PRMT2: variants seen among roughly 807,000 people sequenced by gnomAD.
The protein encoded by PRMT2 is protein arginine methyltransferase 2.
A neutral mutation model predicts 57.6 loss-of-function variants in PRMT2; 26 were observed. The ratio of observed to expected loss-of-function variants is 0.45; its 90% CI spans 0.33 to 0.63. The LOEUF is 0.63. Among genes scored for constraint, PRMT2 ranks in the 20% least tolerant of loss-of-function variants. The probability of loss-of-function intolerance (pLI) is 0.02; values close to 1 mark genes in which losing one functional copy is unlikely to be tolerated. For missense variants in PRMT2, 472 were observed against 564.4 expected (o/e 0.84, Z 1.66); for synonymous variants, 219 against 220.0 (o/e 1.00, Z 0.04).
chr21:46,663,582 C>G (rs749202451), intron 11 of PRMT2, 28 bp downstream of exon 11: 23 of 1,602,254 alleles, frequency 1.4e-5, no homozygotes, highest in Non-Finnish European at 1.8e-5. Context: ...AAGATTCTGT[C>G]CTGTGGGTGC....
At chr21:46,641,316 A>C (rs903135108) in intron 3 of PRMT2, among the ~76,000 whole-genome samples, 1 of 152,170 alleles carries the variant, frequency 6.6e-6, no homozygotes, top group Non-Finnish European at 1.5e-5. Context: ...CCTGCTATGG[A>C]ATATCGTATA....
rs576585961 is a variant in PRMT2 at position 46,660,945 on chromosome 21, C to G, written c.943C>G (p.Gln315Glu). 1.2e-6 allele frequency: 2 copies of G among 1,612,806 alleles called. No homozygotes were observed. The highest frequency in any genetic ancestry group is 1.1e-5 in the South Asian group (1 of 90,932). Reference sequence around the variant, plus strand: ...ATTGCAGTTGGACATGAGAACCGTGCAAATTTCTGATCTAGAGGTGAGAAA... The same window carrying G: ...ATTGCAGTTGGACATGAGAACCGTGGAAATTTCTGATCTAGAGGTGAGAAA... Reference protein sequence around the residue: ...TILQLDMRTVQISDLETLRGE... With the variant: ...TILQLDMRTVEISDLETLRGE... Residue 315 changes from glutamine to glutamate, a missense_variant, in exon 9 of 12, where the codon CAA becomes GAA. Coordinates refer to ENST00000355680, the MANE Select transcript of PRMT2 (RefSeq NM_206962.4).
chr21:46,651,973 C>G (rs773458854), intron 7 of PRMT2: 1 of 1,613,294 alleles, frequency 6.2e-7, no homozygotes, highest in South Asian at 1.1e-5. Flanking sequence ...AGCCCTCAGG[C>G]CTTCATCTCT....
chr21:46,664,033 C>A (rs1007195897), intron 11 of PRMT2, among the ~76,000 whole-genome samples: 1 of 152,138 alleles, frequency 6.6e-6, no homozygotes, highest in Admixed American at 6.5e-5. Context: ...GGCTTCCTGT[C>A]TCAGAGGCTG....
At chr21:46,660,212 C>T in intron 8 of PRMT2, 1 of 960,004 alleles carries the variant, frequency 1.0e-6, no homozygotes, top group Non-Finnish European at 1.2e-6. Context: ...GACTTACAAG[C>T]CTAGTGCAGC....
At chr21:46,659,140 A>G (rs2061583429) in intron 8 of PRMT2, 3 of 1,267,348 alleles carry the variant, frequency 2.4e-6, no homozygotes, top group Non-Finnish European at 2.0e-6. Context: ...AGGAACAAAA[A>G]TTTTCGTATG....
At position 46,659,610 on chromosome 21, in the gene PRMT2, C is replaced by T. The variant is rs149784765; in HGVS notation, c.830+690C>T. 5.1e-6 allele frequency: 5 copies of T among 982,376 alleles called. No individual in the cohort carries two copies. In the East Asian group the frequency reaches 5.7e-4, roughly 112 times the overall value. The allele number at this position is 982,376 out of a possible 1,614,324, so 60.9% of individuals were successfully genotyped here. A position where few individuals can be genotyped will look rare whatever the true frequency, so the allele number is the denominator to read the frequency against. On this transcript the variant is annotated intron_variant, in intron 8 of 11. Transcript: ENST00000355680. ...GCGAATTAAAATACATGCTGTTTTC[C>T]CTACCAGACAAGCAAAGAGTAAATT...
intron 4 of PRMT2, 117 bp downstream of exon 4, chr21:46,643,756 C>A: frequency 8.2e-7 from 1 of 1,215,816 alleles, no homozygotes; most frequent in Non-Finnish European, 1.1e-6. Context: ...ATGCGTAGGG[C>A]CACACAAGAC....
At chr21:46,658,665 G>A in intron 7 of PRMT2, 80 bp from the exon 8 acceptor site, 1 of 1,568,140 alleles carries the variant, frequency 6.4e-7, no homozygotes, top group Non-Finnish European at 8.7e-7. Flanking sequence ...TCAGACTAGT[G>A]TTACGAATGT....
chr21:46,649,189 C>T lies in PRMT2; in HGVS notation c.490-386C>T, dbSNP rs1487585608. ...TTCCCACCAGACCCTTCCCTGAGAA[C>T]CTGGGTTTGAAATTGTCTGACAGGC... On this transcript the variant is annotated intron_variant, in intron 6 of 11. Coordinates refer to ENST00000355680, the MANE Select transcript of PRMT2 (RefSeq NM_206962.4). This position sits in a 1 kb window ranked among gnomAD's most constrained non-coding sequence, Gnocchi z 4.8. Among the ~76,000 whole-genome samples, 1 of 152,176 alleles carries T rather than the reference C, an allele frequency of 6.6e-6. No homozygotes were observed. Among genetic ancestry groups the T allele is most frequent in the Admixed American group, 6.5e-5 (1 of 15,276 alleles).
chr21:46,647,804 T>A (rs1243662157), intron 5 of PRMT2, among the ~76,000 whole-genome samples: 1 of 152,224 alleles, frequency 6.6e-6, no homozygotes, highest in East Asian at 1.9e-4. Flanking sequence ...ACTGGACAGT[T>A]CCCTTCGCGT....
chr21:46,649,184 G>A lies in PRMT2; in HGVS notation c.490-391G>A, dbSNP rs2061411297. On this transcript the variant is annotated intron_variant, in intron 6 of 11. Transcript: ENST00000355680. This position sits in a 1 kb window ranked among gnomAD's most constrained non-coding sequence, Gnocchi z 4.8. ...GGTGCTTCCCACCAGACCCTTCCCTGAGAACCTGGGTTTGAAATTGTCTGA... is the reference window on the plus strand; with the variant it reads ...GGTGCTTCCCACCAGACCCTTCCCTAAGAACCTGGGTTTGAAATTGTCTGA... Among the ~76,000 whole-genome samples the A allele has an allele frequency of 6.6e-6, 1 of 152,200 alleles. No homozygotes were observed. The highest frequency in any genetic ancestry group is 1.5e-5 in the Non-Finnish European group (1 of 68,042).
At chr21:46,663,698 G>T (rs2061664259) in intron 11 of PRMT2, 144 bp downstream of exon 11, 1 of 842,100 alleles carries the variant, frequency 1.2e-6, no homozygotes, top group Non-Finnish European at 1.8e-6. Flanking sequence ...TACACAGAAA[G>T]CGCCTGTTGT....
Position 46,649,469 on chromosome 21 carries a change from T to A in PRMT2, c.490-106T>A. The A allele has an allele frequency of 6.4e-7, 1 of 1,559,740 alleles. No homozygotes were observed. Among genetic ancestry groups the A allele is most frequent in the Non-Finnish European group, 8.8e-7 (1 of 1,135,086 alleles). On this transcript the variant is annotated intron_variant, in intron 6 of 11. Transcript: ENST00000355680. The surrounding 1 kb of genome is among the most constrained non-coding windows in gnomAD (Gnocchi z 4.8). ...TCTGCTGTCTGGAATGCTGCTTCCC[T>A]CTTGTGTCATTGACCATTTCTCGTG...
rs1242798076 is a variant in PRMT2 at position 46,664,450 on chromosome 21, ACC to A, written c.*126_*127del. 8.0e-7 allele frequency: 1 copy of A among 1,251,762 alleles called. No individual in the cohort carries two copies. The highest frequency in any genetic ancestry group is 1.5e-5 in the African/African-American group (1 of 67,506). 77.5% of individuals were successfully genotyped at this position (1,251,762 alleles called of 1,614,324 possible). Reference sequence around the variant, plus strand: ...GTCGGTGAACATTCACTCCACATTGACCCCTCCCTAGCCTGGCAGGTGACGTC... The same window carrying A: ...GTCGGTGAACATTCACTCCACATTGACCTCCCTAGCCTGGCAGGTGACGTC... On this transcript the variant is annotated 3_prime_UTR_variant, in exon 12 of 12. Coordinates refer to ENST00000355680, the MANE Select transcript of PRMT2 (RefSeq NM_206962.4).
At chr21:46,658,371 C>T (rs985381902) in intron 7 of PRMT2, 1 of 179,164 alleles carries the variant, frequency 5.6e-6, no homozygotes, top group Non-Finnish European at 1.2e-5. Flanking sequence ...ATGCTACGGA[C>T]CAAATATATT....
At position 46,636,905 on chromosome 21, in the gene PRMT2, A is replaced by G. The variant is rs182350511; in HGVS notation, c.-47A>G. On this transcript the variant is annotated 5_prime_UTR_variant, in exon 3 of 12. Coordinates refer to ENST00000355680, the MANE Select transcript of PRMT2 (RefSeq NM_206962.4). ...CTCTTTTTAAAAGTAGAAATGGAAA[A>G]GAAAATGAAATAAATCAGCAGTTAT... 3.9e-5 allele frequency: 62 copies of G among 1,586,958 alleles called. No individual in the cohort carries two copies. The highest frequency in any genetic ancestry group is 7.2e-5 in the Admixed American group (4 of 55,638).
intron 7 of PRMT2, chr21:46,654,826 G>A (rs1186607985): frequency 6.8e-6 from 6 of 886,046 alleles, no homozygotes; most frequent in Non-Finnish European, 8.1e-6. Context: ...AATATCCACG[G>A]GGGTCCTGGA....
intron 8 of PRMT2, 101 bp downstream of exon 8, chr21:46,659,021 TA>T: frequency 6.8e-7 from 1 of 1,475,626 alleles, no homozygotes; most frequent in Non-Finnish European, 9.0e-7. Context: ...GACGGTTGGA[TA>T]AATGAGGGTA....
Sources: gnomAD v4.1 joint callset for allele counts (sites outside exome capture counted in the v4.1 genomes callset) on GRCh38, gnomAD v4.1.1 for gene constraint, Gnocchi (gnomAD v3.1) non-coding constraint, MANE v1.5 for transcripts, NCBI Gene and HGNC (gene_info 2026-07-23, HGNC 2026-07-21) for gene names.